The following RNF144A variants were observed in gnomAD, a reference collection of about 807,000 sequenced individuals.
RNF144A encodes ring finger protein 144A.
A neutral mutation model predicts 38.7 loss-of-function variants in RNF144A; 11 were observed. The observed-to-expected ratio is 0.28, with a 90% CI of 0.18 to 0.47. RNF144A has a LOEUF of 0.47. Ranked by LOEUF, RNF144A falls within the 20% of genes least tolerant of loss-of-function variation. The pLI is 0.99. For missense variants in RNF144A, 316 were observed against 377.2 expected (o/e 0.84, Z 1.34); for synonymous variants, 149 against 143.9 (o/e 1.04, Z -0.25).
chr2:6,979,465 A>G (rs577359449), intron 2 of RNF144A, among the ~76,000 whole-genome samples: 1 of 152,232 alleles, frequency 6.6e-6, no homozygotes, highest in Non-Finnish European at 1.5e-5. Context: ...AGACCTGTTT[A>G]ATACCTAGAA....
At chr2:6,956,189 CACCCAGGAGTCCTGGCTGCCG>C (rs1267120109) in intron 2 of RNF144A, among the ~76,000 whole-genome samples, 1 of 152,004 alleles carries the variant, frequency 6.6e-6, no homozygotes, top group African/African-American at 2.4e-5. Context: ...TTGTGTCAGA[CACCCAGGAGTCCTGGCTGCCG>C]ACTAGCAAAT....
At chr2:7,028,293 A>G (rs1489799275) in intron 7 of RNF144A, among the ~76,000 whole-genome samples, 1 of 152,210 alleles carries the variant, frequency 6.6e-6, no homozygotes, top group Non-Finnish European at 1.5e-5. Context: ...AGATGCTGGA[A>G]AGACAAGGTG....
chr2:7,017,321 GT>G (rs60629488), intron 5 of RNF144A, among the ~76,000 whole-genome samples: 5,841 of 145,734 alleles, frequency 0.04, 136 homozygotes, highest in Middle Eastern at 0.072. Flanking sequence ...TTTGTTCTTT[GT>G]TTTTTTTTTT....
At chr2:7,062,366 G>T (rs535311919) in intron 6 of RNF144A, among the ~76,000 whole-genome samples, 146 of 152,128 alleles carry the variant, frequency 9.6e-4, no homozygotes, top group Non-Finnish European at 1.9e-3. Flanking sequence ...TCTCAAGACT[G>T]GTACAGAGTT....
intron 2 of RNF144A, among the ~76,000 whole-genome samples, chr2:6,974,092 C>T (rs866517671): frequency 2.0e-5 from 3 of 152,128 alleles, no homozygotes; most frequent in East Asian, 3.9e-4. Context: ...ATCTTAGATT[C>T]GTCATTTACC....
chr2:7,041,120 T>A lies in RNF144A; in HGVS notation c.*1360T>A, dbSNP rs1248267847. 1.0e-6 allele frequency: 1 copy of A among 982,034 alleles called. No individual in the cohort carries two copies. The highest frequency in any genetic ancestry group is 1.1e-4 in the East Asian group (1 of 8,814). 60.8% of individuals were successfully genotyped at this position (982,034 alleles called of 1,614,324 possible). ...GCATTGAATTTAAAACTTCTAAAAA[T>A]AACAGGCAAATATTGTAGCTATATT... On this transcript the variant is annotated 3_prime_UTR_variant, in exon 9 of 9. Coordinates refer to ENST00000320892, the MANE Select transcript of RNF144A (RefSeq NM_014746.6).
intron 6 of RNF144A, chr2:7,062,672 T>C (rs1345159006): frequency 6.6e-6 from 1 of 152,204 alleles, no homozygotes; most frequent in African/African-American, 2.4e-5. Context: ...CCACTGATAC[T>C]GGAGCAGGAT....
At chr2:6,995,840 T>G (rs1669702179) in intron 2 of RNF144A, among the ~76,000 whole-genome samples, 1 of 152,178 alleles carries the variant, frequency 6.6e-6, no homozygotes, top group Admixed American at 6.5e-5. Context: ...TTTGCATCCT[T>G]CAATCCAATC....
Position 7,014,539 on chromosome 2 carries a change from G to T in RNF144A, c.221G>T (p.Gly74Val), listed in dbSNP as rs1244878084. Reference protein sequence around the residue: ...SCPDAACPKQGHLQENEIECM... With the variant: ...SCPDAACPKQVHLQENEIECM... ...CCAGATGCTGCCTGCCCTAAACAGG[G>T]CCACCTACAGGAGAACGAGGCATGT... Residue 74 changes from glycine (G) to valine (V), a missense_variant, in exon 4 of 9, where the codon GGC (glycine) becomes GTC (valine). Gly to Val is a moderately radical substitution (Grantham distance 109, BLOSUM62 -3). Transcript: ENST00000320892. 6.2e-7 allele frequency: 1 copy of T among 1,604,734 alleles called. No individual in the cohort carries two copies. Among genetic ancestry groups the T allele is most frequent in the African/African-American group, 1.3e-5 (1 of 74,446 alleles).
chr2:7,062,653 G>C lies in RNF144A; in HGVS notation c.735-5563G>C, dbSNP rs184860056. On this transcript the variant is annotated intron_variant, in intron 6 of 6. Coordinates refer to the RNF144A transcript ENST00000432850. ...CAGTGAAGGAAGAGAGCCAGATAAA[G>C]TTTGCTCACCACTGATACTGGAGCA... 8 of 152,328 alleles carry C rather than the reference G, an allele frequency of 5.3e-5. No individual in the cohort carries two copies. In the East Asian group the frequency reaches 1.5e-3, roughly 29 times the overall value. 9.4% of individuals were successfully genotyped at this position (152,328 alleles called of 1,614,324 possible). A position where few individuals can be genotyped will look rare whatever the true frequency, so the allele number is the denominator to read the frequency against.
chr2:7,008,879 T>A (rs1670619768), intron 3 of RNF144A, among the ~76,000 whole-genome samples: 1 of 152,216 alleles, frequency 6.6e-6, no homozygotes, highest in Admixed American at 6.5e-5. Context: ...AGGTGCTCAG[T>A]GCTAGCTGCT....
At chr2:7,003,059 T>C (rs972642413) in intron 3 of RNF144A, among the ~76,000 whole-genome samples, 1 of 150,020 alleles carries the variant, frequency 6.7e-6, no homozygotes, top group Admixed American at 6.6e-5. Flanking sequence ...AATACATATA[T>C]ACACACACAT....
rs186481324 is a variant in RNF144A at position 6,987,004 on chromosome 2, G to A, written c.-11-9912G>A. ...CAAATACATTAGTGTTGAAATAATA[G>A]GCCCTTTGTGTCTTTCTCTGCATCT... On this transcript the variant is annotated intron_variant, in intron 2 of 8. Coordinates refer to ENST00000320892, the MANE Select transcript of RNF144A (RefSeq NM_014746.6). Among the ~76,000 whole-genome samples the A allele has an allele frequency of 4.6e-5, 7 of 152,076 alleles. No homozygotes were observed. The East Asian group carries it at 1.2e-3, about 25-fold the overall frequency.
intron 5 of RNF144A, among the ~76,000 whole-genome samples, chr2:7,019,976 C>T (rs757737263): frequency 3.5e-4 from 54 of 152,342 alleles, no homozygotes; most frequent in Admixed American, 6.5e-4. Context: ...TCTTCCTTCC[C>T]TCTTCCTCTC....
Position 6,976,031 on chromosome 2 carries a change from A to G in RNF144A, c.-11-20885A>G, listed in dbSNP as rs368005858. Among the ~76,000 whole-genome samples the G allele has an allele frequency of 1.8e-3, 270 of 152,320 alleles. 1 individual carries two copies. The highest frequency in any genetic ancestry group is 6.3e-3 in the African/African-American group (262 of 41,568). ...CCATTGTGCAGACCTTCCATGGTTT[A>G]GTCCACAGCCTGCTACTTGAGTTAT... On this transcript the variant is annotated intron_variant, in intron 2 of 8. Coordinates refer to ENST00000320892, the MANE Select transcript of RNF144A (RefSeq NM_014746.6).
chr2:7,050,721 A>T (rs1303648614), intron 6 of RNF144A, among the ~76,000 whole-genome samples: 2 of 152,216 alleles, frequency 1.3e-5, no homozygotes, highest in African/African-American at 4.8e-5. Context: ...AAGGGAATGG[A>T]GAGCAACAGT....
chr2:6,939,646 A>G (rs1665835333), intron 1 of RNF144A, among the ~76,000 whole-genome samples: 2 of 152,116 alleles, frequency 1.3e-5, no homozygotes, highest in African/African-American at 4.8e-5. Context: ...CCATTTCTTC[A>G]TCTGTGATCA....
In RNF144A at chr2:6,962,014, G is replaced by T. The variant is rs572174705; in HGVS notation, c.-12+20867G>T. On this transcript the variant is annotated intron_variant, in intron 2 of 8. Coordinates refer to ENST00000320892, the MANE Select transcript of RNF144A (RefSeq NM_014746.6). The surrounding 1 kb of genome is among the most constrained non-coding windows in gnomAD (Gnocchi z 4.1). Reference sequence around the variant, plus strand: ...AGGACACGGACATACGAAGAGTGAGGTTGACAGTGGAAGTTTAATAGGTGA... The same window carrying T: ...AGGACACGGACATACGAAGAGTGAGTTTGACAGTGGAAGTTTAATAGGTGA... 3.2e-4 allele frequency among the ~76,000 whole-genome samples: 49 copies of T among 152,346 alleles called. No individual in the cohort carries two copies. The highest frequency in any genetic ancestry group is 2.5e-3 in the South Asian group (12 of 4,832).
chr2:6,937,266 C>T (rs1390719847), intron 1 of RNF144A, among the ~76,000 whole-genome samples: 1 of 152,162 alleles, frequency 6.6e-6, no homozygotes, highest in Non-Finnish European at 1.5e-5. Context: ...ACTTCATTAG[C>T]GCCCATTTGC....
Sources: allele counts gnomAD v4.1 joint callset (sites outside exome capture counted in the v4.1 genomes callset), GRCh38; gene constraint gnomAD v4.1.1; non-coding constraint Gnocchi (gnomAD v3.1); transcripts MANE v1.5; gene names NCBI Gene and HGNC (gene_info 2026-07-23, HGNC 2026-07-21).